Variants in ATG2B observed in about 807,000 individuals in gnomAD.
The protein encoded by ATG2B is autophagy-related protein 2 homolog B.
Under a neutral mutation model 241.3 loss-of-function variants are expected in ATG2B, and 121 were observed. That is an observed-to-expected ratio of 0.50 (90% confidence interval 0.43 to 0.58). The LOEUF (loss-of-function observed/expected upper bound fraction) is 0.58, where lower values mean the gene tolerates loss of function less well. Ranked by LOEUF, ATG2B falls within the 20% of genes least tolerant of loss-of-function variation. ATG2B has a pLI of 0.00. For synonymous variants in ATG2B, 858 were observed against 876.6 expected, an observed-to-expected ratio of 0.98 and a Z score of 0.37; for missense variants, 2,306 against 2,491.6, an observed-to-expected ratio of 0.93 and a Z score of 1.59.
intron 1 of ATG2B, among the ~76,000 whole-genome samples, chr14:96,353,986 T>C (rs138233046): frequency 6.6e-6 from 1 of 152,294 alleles, no homozygotes; most frequent in African/African-American, 2.4e-5. Context: ...TATTTTAATA[T>C]CAATATTTAA....
chr14:96,302,060 G>T lies in ATG2B; in HGVS notation c.5086C>A (p.Gln1696Lys). Residue 1696 changes from glutamine (Q) to lysine (K), a missense_variant, in exon 34 of 42, where the codon CAG becomes AAG. By Grantham distance (53) the Gln-to-Lys change is moderately conservative. Coordinates refer to ENST00000359933, the MANE Select transcript of ATG2B (RefSeq NM_018036.7). ...HVCPESGRSP[Q>K]ECCLRVSLMP... ...AGCGACACTCTCAAGCAGCACTCCT[G>T]TGGGGACCTGCCAGATTCTGGACAC... 6.2e-7 allele frequency: 1 copy of T among 1,614,082 alleles called. No individual in the cohort carries two copies. Among genetic ancestry groups the T allele is most frequent in the Non-Finnish European group, 8.5e-7 (1 of 1,179,992 alleles).
intron 29 of ATG2B, among the ~76,000 whole-genome samples, chr14:96,308,155 C>T (rs1425043035): frequency 7.0e-6 from 1 of 143,436 alleles, no homozygotes; most frequent in Non-Finnish European, 1.5e-5. Context: ...CATATACACA[C>T]ACACACATAT....
At chr14:96,308,494 G>T (rs190171330) in intron 29 of ATG2B, among the ~76,000 whole-genome samples, 100 of 145,938 alleles carry the variant, frequency 6.9e-4, no homozygotes, top group African/African-American at 2.2e-3. Flanking sequence ...GGAGAGATGG[G>T]GTTTCACCAT....
At position 96,322,729 on chromosome 14, in the gene ATG2B, T is replaced by G; in HGVS notation, c.2547A>C (p.Val849=). The G allele has an allele frequency of 6.2e-7, 1 of 1,611,118 alleles. No individual in the cohort carries two copies. Among genetic ancestry groups the G allele is most frequent in the Non-Finnish European group, 8.5e-7 (1 of 1,179,022 alleles). ...GCATGGCTGGTGGATTTATTTTCAG[T>G]ACAATTCTGATAGCAAAGACAATTT... is the stretch of plus-strand genomic sequence containing the variant. The part of the protein sequence containing the change: ...SSDDFDWPRI[V]LKINPPAMHS... Residue 849 remains valine, a synonymous_variant, in exon 17 of 42, where the codon GTA becomes GTC. Coordinates refer to ENST00000359933, the MANE Select transcript of ATG2B (RefSeq NM_018036.7).
At chr14:96,329,270 G>T (rs1323211576) in intron 12 of ATG2B, among the ~76,000 whole-genome samples, 12 of 152,100 alleles carry the variant, frequency 7.9e-5, no homozygotes, top group Admixed American at 7.9e-4. Context: ...TCCTAAACAA[G>T]TCAACTCTAA....
intron 27 of ATG2B, 100 bp downstream of exon 27, chr14:96,311,442 A>C: frequency 2.5e-6 from 3 of 1,218,240 alleles, no homozygotes; most frequent in East Asian, 2.6e-5. Flanking sequence ...TACTTACTCT[A>C]TTTCTGACCA....
At chr14:96,313,941 T>C (rs1170112146) in intron 23 of ATG2B, among the ~76,000 whole-genome samples, 1 of 152,246 alleles carries the variant, frequency 6.6e-6, no homozygotes, top group East Asian at 1.9e-4. Flanking sequence ...TAACTCATTG[T>C]GTGCAGGGGC....
At chr14:96,323,870 T>A (rs1417007219) in intron 16 of ATG2B, 26 bp downstream of exon 16, 2 of 1,415,020 alleles carry the variant, frequency 1.4e-6, no homozygotes, top group Middle Eastern at 3.5e-4. Context: ...GAAAATCCTA[T>A]TAAACCTATG....
chr14:96,352,684 A>G (rs1354242617), intron 1 of ATG2B, among the ~76,000 whole-genome samples: 3 of 152,164 alleles, frequency 2.0e-5, no homozygotes, highest in Admixed American at 6.5e-5. Flanking sequence ...ATTTTTGCAT[A>G]GCTGTACAAT....
intron 12 of ATG2B, among the ~76,000 whole-genome samples, 165 bp from the exon 13 acceptor site, chr14:96,328,931 T>C (rs1887657875): frequency 6.6e-6 from 1 of 152,234 alleles, no homozygotes; most frequent in Admixed American, 6.5e-5. Context: ...TTAACTCATG[T>C]GATATCTCAT....
At chr14:96,359,572 G>A (rs886663414) in intron 1 of ATG2B, among the ~76,000 whole-genome samples, 1 of 151,986 alleles carries the variant, frequency 6.6e-6, no homozygotes, top group Non-Finnish European at 1.5e-5. Context: ...AAAAATAAAG[G>A]CACAGTCATA....
intron 14 of ATG2B, among the ~76,000 whole-genome samples, chr14:96,328,114 C>T (rs1887631596): frequency 6.6e-6 from 1 of 152,176 alleles, no homozygotes; most frequent in Non-Finnish European, 1.5e-5. Context: ...CACGCCTGGC[C>T]ATAACCATCA....
At chr14:96,321,193 T>C (rs1262316576) in intron 18 of ATG2B, among the ~76,000 whole-genome samples, 2 of 152,070 alleles carry the variant, frequency 1.3e-5, no homozygotes, top group Non-Finnish European at 2.9e-5. Context: ...GGTTTATTAC[T>C]AACATTTAAG....
rs752610400 is a variant in ATG2B at position 96,323,988 on chromosome 14, C to T, written c.2448G>A (p.Gln816=). The T allele has an allele frequency of 6.3e-7, 1 of 1,587,940 alleles. No individual in the cohort carries two copies. The highest frequency in any genetic ancestry group is 8.5e-7 in the Non-Finnish European group (1 of 1,170,896). ...LTFRELIGSF[Q]EEKGDPSIKF... is the part of the protein sequence containing the mutation. ...TAATAGATGGATCTCCTTTCTCTTC[C>T]TGGAACGATCCTAAAAAAAAAGACT... Residue 816 remains glutamine (Q), a synonymous_variant, in exon 16 of 42, where the codon CAG becomes CAA. Transcript: ENST00000359933.
intron 6 of ATG2B, among the ~76,000 whole-genome samples, chr14:96,337,207 G>C (rs549259705): frequency 1.3e-5 from 2 of 152,266 alleles, no homozygotes; most frequent in Admixed American, 1.3e-4. Flanking sequence ...GTAGTCACTT[G>C]AACATCTACA....
At chr14:96,300,399 G>A (rs1032067360) in intron 34 of ATG2B, among the ~76,000 whole-genome samples, 2 of 152,028 alleles carry the variant, frequency 1.3e-5, no homozygotes, top group African/African-American at 2.4e-5. Flanking sequence ...GGTGGTATGC[G>A]CCTATAATCC....
At position 96,304,570 on chromosome 14, in the gene ATG2B, C is replaced by T. The variant is rs781699408; in HGVS notation, c.4767G>A (p.Thr1589=). The change falls in exon 32 of 42, where the codon ACG becomes ACA. Residue 1589 remains threonine (T), a synonymous_variant. Coordinates refer to ENST00000359933, the MANE Select transcript of ATG2B (RefSeq NM_018036.7). The stretch of plus-strand genomic sequence containing the variant: ...CACATACTGTATTACGTCCATGTCT[C>T]GTGGGTGTGTGAGAAGGCGAACTGT... The part of the protein sequence containing the change: ...SPHSSPSHTP[T]RHGRNTVCGG... 8 of 1,605,060 alleles carry T rather than the reference C, an allele frequency of 5.0e-6. No individual in the cohort carries two copies. In the African/African-American group the frequency reaches 5.4e-5, roughly 11 times the overall value.
intron 1 of ATG2B, among the ~76,000 whole-genome samples, chr14:96,348,680 AAAAT>A (rs200486738): frequency 0.22 from 33,784 of 151,062 alleles, 4,066 homozygotes; most frequent in Middle Eastern, 0.27. Context: ...AAAAAAAAAA[AAAAT>A]GAGTAAGATC....
intron 23 of ATG2B, among the ~76,000 whole-genome samples, chr14:96,313,884 T>G (rs918651927): frequency 6.6e-6 from 1 of 151,998 alleles, no homozygotes; most frequent in Admixed American, 6.6e-5. Flanking sequence ...TCAGAAAAAA[T>G]AAATTTTGCT....
Sources: allele counts gnomAD v4.1 joint callset (sites outside exome capture counted in the v4.1 genomes callset), GRCh38; gene constraint gnomAD v4.1.1; transcripts MANE v1.5; gene names NCBI Gene and HGNC (gene_info 2026-07-23, HGNC 2026-07-21).